PPP3CB: variants seen among roughly 807,000 people sequenced by gnomAD.
PPP3CB encodes the protein serine/threonine-protein phosphatase 2B catalytic subunit beta isoform.
A neutral mutation model predicts 66.4 loss-of-function variants in PPP3CB; 8 were observed. The ratio of observed to expected loss-of-function variants is 0.12; its 90% CI spans 0.07 to 0.22. The LOEUF is 0.22. Among genes scored for constraint, PPP3CB ranks in the 10% least tolerant of loss-of-function variants. The probability of loss-of-function intolerance (pLI) is 1.00; values close to 1 mark genes in which losing one functional copy is unlikely to be tolerated. For synonymous variants in PPP3CB, 208 were observed against 221.2 expected (o/e 0.94, Z 0.53); for missense variants, 319 against 642.5 (o/e 0.50, Z 5.44).
At chr10:73,454,378 G>GT (rs2056391492) in intron 10 of PPP3CB, 34 bp downstream of exon 10, 2 of 1,455,980 alleles carry the variant, frequency 1.4e-6, no homozygotes, top group Admixed American at 1.8e-5. Flanking sequence ...CCATTTCACA[G>GT]TAAAAAAAAA....
chr10:73,490,675 C>T (rs1291774975), intron 1 of PPP3CB, among the ~76,000 whole-genome samples: 2 of 152,182 alleles, frequency 1.3e-5, no homozygotes, highest in Non-Finnish European at 2.9e-5. Flanking sequence ...CACTACTAAG[C>T]TGTATTTCCA....
chr10:73,443,552 G>C (rs1337094137), intron 12 of PPP3CB, among the ~76,000 whole-genome samples: 1 of 152,106 alleles, frequency 6.6e-6, no homozygotes, highest in African/African-American at 2.4e-5. Flanking sequence ...GACCCTTAGA[G>C]GGCTGTCAAA....
chr10:73,447,004 T>A (rs192455153), intron 10 of PPP3CB, among the ~76,000 whole-genome samples: 1 of 152,256 alleles, frequency 6.6e-6, no homozygotes, highest in Non-Finnish European at 1.5e-5. Context: ...TGTAGTCTTA[T>A]TTAACTATCA....
At chr10:73,488,793 T>C (rs143084726) in intron 1 of PPP3CB, among the ~76,000 whole-genome samples, 1 of 152,304 alleles carries the variant, frequency 6.6e-6, no homozygotes, top group African/African-American at 2.4e-5. Flanking sequence ...CACCATTCTC[T>C]ATCACTCACA....
intron 9 of PPP3CB, among the ~76,000 whole-genome samples, chr10:73,461,773 A>G (rs1403349506): frequency 1.3e-5 from 2 of 152,160 alleles, no homozygotes; most frequent in Non-Finnish European, 2.9e-5. Context: ...TATAGGGACC[A>G]TGGGCAGAAT....
At chr10:73,451,242 TATC>T (rs1189875073) in intron 10 of PPP3CB, among the ~76,000 whole-genome samples, 1 of 151,866 alleles carries the variant, frequency 6.6e-6, no homozygotes, top group Non-Finnish European at 1.5e-5. Flanking sequence ...TAAATAACAA[TATC>T]AATCCCCTAT....
At chr10:73,451,067 G>A (rs1335338716) in intron 10 of PPP3CB, among the ~76,000 whole-genome samples, 1 of 151,616 alleles carries the variant, frequency 6.6e-6, no homozygotes, top group Non-Finnish European at 1.5e-5. Flanking sequence ...ATAAATCATA[G>A]GTACCTAAAA....
chr10:73,460,265 CAAA>C (rs11447229), intron 9 of PPP3CB, among the ~76,000 whole-genome samples: 12 of 35,824 alleles, frequency 3.3e-4, no homozygotes, highest in African/African-American at 1.0e-3. Context: ...AAAGTAATAG[CAAA>C]AAAAAAAAAA....
intron 1 of PPP3CB, among the ~76,000 whole-genome samples, chr10:73,493,001 C>A (rs1188046453): frequency 6.6e-6 from 1 of 152,072 alleles, no homozygotes; most frequent in Non-Finnish European, 1.5e-5. Context: ...GCAGGCCGGG[C>A]GCGGTGGCTC....
At chr10:73,485,908 T>TTGTGTGTGTGTG (rs57190155) in intron 1 of PPP3CB, among the ~76,000 whole-genome samples, 53 of 121,306 alleles carry the variant, frequency 4.4e-4, no homozygotes, top group South Asian at 9.5e-4. Flanking sequence ...ACCTGGCTAA[T>TTGTGTGTGTGTG]TGTGTGTGTG....
chr10:73,444,921 GAC>G (rs2056222460), intron 11 of PPP3CB, 99 bp from the exon 12 acceptor site: 8 of 1,157,162 alleles, frequency 6.9e-6, no homozygotes, highest in Non-Finnish European at 9.7e-6. Flanking sequence ...TAAAATTCAT[GAC>G]ATTCATTGCT....
intron 9 of PPP3CB, among the ~76,000 whole-genome samples, chr10:73,463,050 G>C (rs2056553802): frequency 6.6e-6 from 1 of 151,862 alleles, no homozygotes; most frequent in Non-Finnish European, 1.5e-5. Context: ...CTGAGTAAAG[G>C]GTTGTTGTAA....
intron 9 of PPP3CB, among the ~76,000 whole-genome samples, chr10:73,463,747 A>G (rs530981930): frequency 3.3e-5 from 5 of 151,892 alleles, no homozygotes; most frequent in East Asian, 1.9e-4. Flanking sequence ...GGTTCACGCC[A>G]TTCTCCTGCC....
In PPP3CB at chr10:73,438,467, TGA is replaced by T. The variant is rs750020382; in HGVS notation, c.1397-49_1397-48del. The T allele has an allele frequency of 1.5e-5, 22 of 1,486,518 alleles. No homozygotes were observed. The East Asian group carries it at 5.0e-4, about 34-fold the overall frequency. 92.1% of individuals were successfully genotyped at this position (1,486,518 alleles called of 1,614,324 possible). On this transcript the variant is annotated intron_variant, in intron 13 of 13. Coordinates refer to ENST00000360663, the MANE Select transcript of PPP3CB (RefSeq NM_021132.4). Reference sequence around the variant, plus strand: ...TAAGTCAGTAATTGAAAAACATTTCTGAGATTTCAAAAACATAATTAATGATT... The same window carrying T: ...TAAGTCAGTAATTGAAAAACATTTCTGATTTCAAAAACATAATTAATGATT...
chr10:73,466,557 TTA>T (rs1296416245), intron 9 of PPP3CB, among the ~76,000 whole-genome samples: 2 of 152,208 alleles, frequency 1.3e-5, no homozygotes. Context: ...ACCTAAGCCC[TTA>T]ACTGGCCCCC....
At chr10:73,444,616 G>T in intron 12 of PPP3CB, 109 bp downstream of exon 12, 1 of 1,559,620 alleles carries the variant, frequency 6.4e-7, no homozygotes, top group South Asian at 1.2e-5. Context: ...GCTGAGACAG[G>T]AACTAAAAAA....
intron 1 of PPP3CB, among the ~76,000 whole-genome samples, chr10:73,486,694 T>C (rs1358823537): frequency 1.3e-5 from 2 of 152,234 alleles, no homozygotes; most frequent in African/African-American, 4.8e-5. Context: ...ACTTATCAAA[T>C]TCTTTTTTCA....
chr10:73,458,230 A>G (rs764164739), intron 9 of PPP3CB, among the ~76,000 whole-genome samples: 3 of 152,128 alleles, frequency 2.0e-5, no homozygotes, highest in Non-Finnish European at 4.4e-5. Flanking sequence ...TCTGTCTCCC[A>G]GGTTCAAGCA....
chr10:73,440,796 A>G (rs2056132287), intron 12 of PPP3CB, among the ~76,000 whole-genome samples: 1 of 152,246 alleles, frequency 6.6e-6, no homozygotes, highest in Non-Finnish European at 1.5e-5. Context: ...CATGATATAG[A>G]CACATAGGTC....
Sources: gnomAD v4.1 joint callset for allele counts (sites outside exome capture counted in the v4.1 genomes callset) on GRCh38, gnomAD v4.1.1 for gene constraint, MANE v1.5 for transcripts, NCBI Gene and HGNC (gene_info 2026-07-23, HGNC 2026-07-21) for gene names.